Variants in ERBIN observed in about 807,000 individuals in gnomAD.
ERBIN encodes the protein erbb2 interacting protein.
A neutral mutation model predicts 158.4 loss-of-function variants in ERBIN; 60 were observed. The ratio of observed to expected loss-of-function variants is 0.38; its 90% CI spans 0.31 to 0.47. ERBIN has a LOEUF of 0.47. Ranked by LOEUF, ERBIN falls within the 20% of genes least tolerant of loss-of-function variation. ERBIN has a pLI of 0.99. For synonymous variants in ERBIN, 594 were observed against 557.2 expected, an observed-to-expected ratio of 1.07 and a Z score of -0.93; for missense variants, 1,610 against 1,648.0, an observed-to-expected ratio of 0.98 and a Z score of 0.40.
At chr5:65,949,151 A>G (rs1480985478) in intron 1 of ERBIN, among the ~76,000 whole-genome samples, 1 of 152,178 alleles carries the variant, frequency 6.6e-6, no homozygotes, top group African/African-American at 2.4e-5. Flanking sequence ...ATATTTACGT[A>G]GAAGTCCCTT....
In ERBIN at chr5:66,050,858, C is replaced by G; in HGVS notation, c.1979C>G (p.Ser660Cys). The stretch of plus-strand genomic sequence containing the variant: ...AATCAGAATAACAGCAATTGTTCTT[C>G]TCCATCTCGGATGTCTGATTCAGTT... ...NSNQNNSNCS[S>C]PSRMSDSVSL... Residue 660 changes from serine to cysteine, a missense_variant, in exon 20 of 26, where the codon TCT (serine) becomes TGT (cysteine). Transcript: ENST00000284037. 1 of 1,602,968 alleles carries G rather than the reference C, an allele frequency of 6.2e-7. No individual in the cohort carries two copies. The highest frequency in any genetic ancestry group is 8.5e-7 in the Non-Finnish European group (1 of 1,175,698).
intron 1 of ERBIN, among the ~76,000 whole-genome samples, chr5:65,977,717 C>T (rs1280223545): frequency 3.3e-5 from 5 of 152,014 alleles, no homozygotes; most frequent in Admixed American, 6.5e-5. Context: ...AGACGATGGG[C>T]GGCCAGGCGG....
At position 66,078,731 on chromosome 5, in the gene ERBIN, T is replaced by C. The variant is rs891614914; in HGVS notation, c.*201T>C. ...AATATAAAGGAGACTGTTGAATTCA[T>C]ACCATATAAAACTTGTTAGGTTTTT... On this transcript the variant is annotated 3_prime_UTR_variant, in exon 26 of 26. Transcript: ENST00000284037. 2 of 527,426 alleles carry C rather than the reference T, an allele frequency of 3.8e-6. No individual in the cohort carries two copies. The highest frequency in any genetic ancestry group is 6.7e-6 in the Non-Finnish European group (2 of 299,438). 32.7% of individuals were successfully genotyped at this position (527,426 alleles called of 1,614,324 possible).
At position 66,080,575 on chromosome 5, in the gene ERBIN, A is replaced by G. The variant is rs773505158; in HGVS notation, c.*2045A>G. ...TAAATATTAATTTTGGCATTCTAAA[A>G]TAGCTAACATTTCTTTTATTGATTT... On this transcript the variant is annotated 3_prime_UTR_variant, in exon 26 of 26. Transcript: ENST00000284037. The G allele has an allele frequency of 6.6e-6, 1 of 152,010 alleles. No individual in the cohort carries two copies. The highest frequency in any genetic ancestry group is 2.4e-5 in the African/African-American group (1 of 41,446). The allele number at this position is 152,010 out of a possible 1,614,324, so 9.4% of individuals were successfully genotyped here. A position where few individuals can be genotyped will look rare whatever the true frequency, so the allele number is the denominator to read the frequency against.
chr5:65,983,335 ATATT>A (rs1750853191), intron 1 of ERBIN, among the ~76,000 whole-genome samples: 1 of 152,128 alleles, frequency 6.6e-6, no homozygotes, highest in Non-Finnish European at 1.5e-5. Flanking sequence ...CATTTTATAT[ATATT>A]TAGTTTTTGA....
At chr5:65,990,467 G>T (rs1436629410) in intron 2 of ERBIN, among the ~76,000 whole-genome samples, 3 of 152,034 alleles carry the variant, frequency 2.0e-5, no homozygotes, top group Non-Finnish European at 2.9e-5. Flanking sequence ...AGGAGATGGA[G>T]ACCATCCTGG....
chr5:66,073,063 A>C (rs539203716), intron 22 of ERBIN, among the ~76,000 whole-genome samples: 1 of 152,190 alleles, frequency 6.6e-6, no homozygotes, highest in East Asian at 1.9e-4. Flanking sequence ...CTCATTACAT[A>C]TATTTTGTGG....
chr5:66,060,471 T>C (rs1356181055), intron 21 of ERBIN, among the ~76,000 whole-genome samples: 1 of 152,188 alleles, frequency 6.6e-6, no homozygotes, highest in African/African-American at 2.4e-5. Context: ...TCAATTCTGT[T>C]GATCCTTTCA....
intron 7 of ERBIN, among the ~76,000 whole-genome samples, chr5:66,020,452 T>C (rs946440065): frequency 2.0e-5 from 3 of 152,000 alleles, no homozygotes; most frequent in Non-Finnish European, 2.9e-5. Flanking sequence ...TATACTGATA[T>C]TGTGATTATA....
At chr5:66,055,025 T>G in intron 21 of ERBIN, 74 bp downstream of exon 21, 3 of 1,449,072 alleles carry the variant, frequency 2.1e-6, no homozygotes, top group Non-Finnish European at 2.7e-6. Context: ...GAAACAAGAT[T>G]CTCTGAATTA....
chr5:66,075,367 T>G lies in ERBIN; in HGVS notation c.3963+137T>G. The G allele has an allele frequency of 4.1e-6, 3 of 735,036 alleles. No homozygotes were observed. In the South Asian group the frequency reaches 5.9e-5, roughly 14 times the overall value. The allele number at this position is 735,036 out of a possible 1,614,324, so 45.5% of individuals were successfully genotyped here. A position where few individuals can be genotyped will look rare whatever the true frequency, so the allele number is the denominator to read the frequency against. ...TAAAGTTTTATTTTTATGTTACGTT[T>G]ATAAGGCGTTAAACTTGGTAATTTT... On this transcript the variant is annotated intron_variant, in intron 23 of 25. Coordinates refer to ENST00000284037, the MANE Select transcript of ERBIN (RefSeq NM_001253697.2).
intron 21 of ERBIN, among the ~76,000 whole-genome samples, chr5:66,070,237 G>A (rs969189481): frequency 1.3e-5 from 2 of 151,992 alleles, no homozygotes; most frequent in Non-Finnish European, 2.9e-5. Context: ...TAGAGACGGG[G>A]TTTCACTATG....
At chr5:65,963,824 C>T (rs1367275833) in intron 1 of ERBIN, among the ~76,000 whole-genome samples, 1 of 138,056 alleles carries the variant, frequency 7.2e-6, no homozygotes, top group East Asian at 2.1e-4. Context: ...GAGTCTCGCT[C>T]TGTCGCCCAG....
chr5:65,967,555 T>C (rs1748794369), intron 1 of ERBIN, among the ~76,000 whole-genome samples: 1 of 152,194 alleles, frequency 6.6e-6, no homozygotes. Flanking sequence ...CTACACCATA[T>C]AGCCTAGAGG....
At chr5:65,937,100 G>T (rs889023924) in intron 1 of ERBIN, among the ~76,000 whole-genome samples, 2 of 152,028 alleles carry the variant, frequency 1.3e-5, no homozygotes, top group African/African-American at 4.8e-5. Flanking sequence ...AATTCTTTTA[G>T]GTATAGTACA....
chr5:65,961,707 T>C (rs1747941743), intron 1 of ERBIN, among the ~76,000 whole-genome samples: 3 of 152,190 alleles, frequency 2.0e-5, no homozygotes, highest in Admixed American at 2.0e-4. Flanking sequence ...TGACTATTGA[T>C]GACTTTTTTT....
intron 1 of ERBIN, among the ~76,000 whole-genome samples, chr5:65,930,559 C>T (rs1446085491): frequency 6.6e-6 from 1 of 152,184 alleles, no homozygotes; most frequent in Non-Finnish European, 1.5e-5. Flanking sequence ...CTGCCCACCT[C>T]GGCCTCTCAA....
intron 1 of ERBIN, among the ~76,000 whole-genome samples, chr5:65,977,656 G>T (rs944582967): frequency 6.7e-6 from 1 of 149,364 alleles, no homozygotes; most frequent in Non-Finnish European, 1.5e-5. Flanking sequence ...GGGCAGAGAC[G>T]CTCCTCACTT....
At chr5:66,008,831 A>G (rs890599723) in intron 4 of ERBIN, among the ~76,000 whole-genome samples, 6 of 152,220 alleles carry the variant, frequency 3.9e-5, no homozygotes, top group African/African-American at 1.4e-4. Context: ...ACTTCTTAAA[A>G]AGTATTAAGA....
Sources: gnomAD v4.1 joint callset for allele counts (sites outside exome capture counted in the v4.1 genomes callset) on GRCh38, gnomAD v4.1.1 for gene constraint, MANE v1.5 for transcripts, NCBI Gene and HGNC (gene_info 2026-07-23, HGNC 2026-07-21) for gene names.